Variants in TUNAR observed in about 807,000 individuals in gnomAD.
TUNAR encodes transmembrane neural differentiation associated intracellular calcium regulator, also known as protein TUNAR.
At chr14:95,896,745 T>TA (rs1251463210) in intron 2 of TUNAR, among the ~76,000 whole-genome samples, 3 of 152,232 alleles carry the variant, frequency 2.0e-5, no homozygotes, top group Non-Finnish European at 2.9e-5. Context: ...TTTCCATTTG[T>TA]AAAAAATAAC....
exon 3 of TUNAR, chr14:95,925,294 G>A (rs114403368): frequency 0.012 from 1,756 of 152,374 alleles, 39 homozygotes; most frequent in African/African-American, 0.04. Context: ...TTGGGGGTCC[G>A]GAGGCTGCTG....
chr14:95,877,981 C>G (rs896553831), intron 2 of TUNAR, among the ~76,000 whole-genome samples: 2 of 152,260 alleles, frequency 1.3e-5, no homozygotes, highest in Non-Finnish European at 2.9e-5. Context: ...GTGCCCAGCA[C>G]ATGCTAGGCC....
rs1038665199 is a variant in TUNAR at position 95,895,597 on chromosome 14, C to G, written c.12+18420C>G. Among the ~76,000 whole-genome samples the G allele has an allele frequency of 6.6e-6, 1 of 152,188 alleles. No homozygotes were observed. The highest frequency in any genetic ancestry group is 2.4e-5 in the African/African-American group (1 of 41,440). Reference sequence around the variant, plus strand: ...TGGTTCGCTCAGCCTCACATTGCTACAAAGTGGGAATTTTACCAATGATTT... The same window carrying G: ...TGGTTCGCTCAGCCTCACATTGCTAGAAAGTGGGAATTTTACCAATGATTT... On this transcript the variant is annotated intron_variant, in intron 2 of 2. Coordinates refer to ENST00000678517, the Ensembl canonical transcript of TUNAR. This position sits in a 1 kb window ranked among gnomAD's most constrained non-coding sequence, Gnocchi z 4.5.
At chr14:95,913,314 C>G (rs1215115741) in intron 2 of TUNAR, among the ~76,000 whole-genome samples, 1 of 152,080 alleles carries the variant, frequency 6.6e-6, no homozygotes, top group African/African-American at 2.4e-5. Context: ...CTCTCCCTCC[C>G]CTTGTCCCCC....
At chr14:95,901,945 A>G (rs1336971034) in intron 2 of TUNAR, among the ~76,000 whole-genome samples, 1 of 152,190 alleles carries the variant, frequency 6.6e-6, no homozygotes, top group East Asian at 1.9e-4. Flanking sequence ...AGCCAGTGCA[A>G]ACGTTTGGGC....
At chr14:95,912,126 A>G (rs1245415002) in intron 2 of TUNAR, among the ~76,000 whole-genome samples, 1 of 152,206 alleles carries the variant, frequency 6.6e-6, no homozygotes, top group East Asian at 1.9e-4. Context: ...TTATTTATTT[A>G]TATATTGATT....
intron 2 of TUNAR, among the ~76,000 whole-genome samples, chr14:95,883,027 T>G (rs1243801649): frequency 6.6e-6 from 1 of 152,208 alleles, no homozygotes; most frequent in Non-Finnish European, 1.5e-5. Context: ...TATTATCCTT[T>G]AATTTGTTCA....
intron 2 of TUNAR, among the ~76,000 whole-genome samples, chr14:95,886,660 C>T (rs1476782275): frequency 6.6e-6 from 1 of 152,190 alleles, no homozygotes; most frequent in African/African-American, 2.4e-5. Flanking sequence ...AATGCAATTC[C>T]ACCCTCCATG....
At position 95,887,435 on chromosome 14, in the gene TUNAR, C is replaced by T. The variant is rs116282931; in HGVS notation, c.12+10258C>T. On this transcript the variant is annotated intron_variant, in intron 2 of 2. Coordinates refer to ENST00000678517, the Ensembl canonical transcript of TUNAR. ...TTTCTCACCTTATCAAGTAGGTTCT[C>T]CTAAATGCATAAGAAGCTGATGACA... is the stretch of plus-strand genomic sequence containing the variant. Among the ~76,000 whole-genome samples the T allele has an allele frequency of 4.1e-3, 618 of 152,284 alleles. 4 individuals carry two copies. The highest frequency in any genetic ancestry group is 0.014 in the African/African-American group (561 of 41,544).
chr14:95,899,474 A>G (rs1219580509), intron 2 of TUNAR, among the ~76,000 whole-genome samples: 1 of 152,180 alleles, frequency 6.6e-6, no homozygotes. Flanking sequence ...ATGCAGAATA[A>G]TTCAAGGGGG....
intron 2 of TUNAR, among the ~76,000 whole-genome samples, chr14:95,883,724 C>CCA (rs951742672): frequency 2.0e-5 from 3 of 152,198 alleles, no homozygotes; most frequent in African/African-American, 7.2e-5. Context: ...GCCAAGCCAC[C>CCA]CCCCCGCCGC....
intron 2 of TUNAR, among the ~76,000 whole-genome samples, chr14:95,920,492 C>T (rs1275211278): frequency 6.6e-6 from 1 of 152,184 alleles, no homozygotes; most frequent in African/African-American, 2.4e-5. Flanking sequence ...TAGGAACCCA[C>T]TGTAGGCCTA....
At chr14:95,909,787 G>A (rs1034967015) in intron 2 of TUNAR, among the ~76,000 whole-genome samples, 1 of 152,208 alleles carries the variant, frequency 6.6e-6, no homozygotes, top group African/African-American at 2.4e-5. Context: ...AAGGAGCTCA[G>A]TTTAGTGGGG....
intron 2 of TUNAR, among the ~76,000 whole-genome samples, chr14:95,890,220 A>G (rs542368154): frequency 1.4e-4 from 22 of 152,162 alleles, no homozygotes; most frequent in Admixed American, 1.0e-3. Context: ...GTGAAGGAGA[A>G]ATGAAGCCAT....
chr14:95,884,077 C>G (rs1484949723), intron 2 of TUNAR, among the ~76,000 whole-genome samples: 1 of 152,152 alleles, frequency 6.6e-6, no homozygotes, highest in Non-Finnish European at 1.5e-5. Flanking sequence ...TCACCCACCG[C>G]CGTGCTGTCC....
At chr14:95,880,269 C>T (rs74085718) in intron 2 of TUNAR, among the ~76,000 whole-genome samples, 2,807 of 152,184 alleles carry the variant, frequency 0.018, 53 homozygotes, top group East Asian at 0.08. Flanking sequence ...GGTTACATAA[C>T]GTTCCAATTA....
chr14:95,894,596 T>C (rs1026086130), intron 2 of TUNAR, among the ~76,000 whole-genome samples: 10 of 152,076 alleles, frequency 6.6e-5, no homozygotes, highest in African/African-American at 2.4e-4. Flanking sequence ...TCCCAATCGA[T>C]TGAGAAAGAA....
intron 2 of TUNAR, among the ~76,000 whole-genome samples, chr14:95,921,037 TC>T (rs1566793495): frequency 6.6e-6 from 1 of 151,884 alleles, no homozygotes; most frequent in Non-Finnish European, 1.5e-5. Flanking sequence ...ACAGTTCGAG[TC>T]CAAAGGCAGG....
chr14:95,882,531 A>G (rs1014174798), intron 2 of TUNAR, among the ~76,000 whole-genome samples: 2 of 152,126 alleles, frequency 1.3e-5, no homozygotes, highest in Admixed American at 1.3e-4. Context: ...GTAGTTAAAA[A>G]CCTTCGCCTT....
Sources: gnomAD v4.1 joint callset for allele counts (sites outside exome capture counted in the v4.1 genomes callset) on GRCh38, gnomAD v4.1.1 for gene constraint, Gnocchi (gnomAD v3.1) non-coding constraint, MANE v1.5 for transcripts, NCBI Gene and HGNC (gene_info 2026-07-23, HGNC 2026-07-21) for gene names.